Variants in PDE10A observed in about 807,000 individuals in gnomAD.
PDE10A encodes the protein phosphodiesterase 10A.
In PDE10A, 39 loss-of-function variants were observed where a neutral mutation model predicts 97.7. The observed-to-expected ratio is 0.40, with a 90% CI of 0.31 to 0.52. PDE10A has a LOEUF of 0.52. PDE10A is among the 20% of genes least tolerant of loss of function. PDE10A has a pLI of 0.56. For synonymous variants in PDE10A, 371 were observed against 376.8 expected, an observed-to-expected ratio of 0.98 and a Z score of 0.18; for missense variants, 731 against 1,047.8, an observed-to-expected ratio of 0.70 and a Z score of 4.17.
intron 2 of PDE10A, among the ~76,000 whole-genome samples, chr6:165,495,313 C>T (rs1449253866): frequency 6.9e-6 from 1 of 144,508 alleles, no homozygotes; most frequent in South Asian, 2.2e-4. Context: ...AGAGGGGAGA[C>T]AGGAGGGGAA....
intron 13 of PDE10A, chr6:165,409,629 C>A (rs746822594): frequency 8.3e-5 from 13 of 157,436 alleles, no homozygotes; most frequent in Non-Finnish European, 1.4e-4. Context: ...AGGGTCGGGC[C>A]TGGTTAGTAC....
intron 1 of PDE10A, among the ~76,000 whole-genome samples, chr6:165,564,421 T>C (rs946939944): frequency 6.7e-6 from 1 of 149,636 alleles, no homozygotes; most frequent in African/African-American, 2.5e-5. Context: ...AACAACGAAA[T>C]GTTGTTGAAA....
chr6:165,543,464 T>C lies in PDE10A; in HGVS notation c.970A>G (p.Lys324Glu). 1 of 1,613,058 alleles carries C rather than the reference T, an allele frequency of 6.2e-7. No individual in the cohort carries two copies. Among genetic ancestry groups the C allele is most frequent in the Middle Eastern group, 1.7e-4 (1 of 6,060 alleles). ...CCTTCTGATTTGTTGTTCTTCCTCTTCAGCCATTTCTCTACTGTCTCTGCA... is the reference window on the plus strand; with the variant it reads ...CCTTCTGATTTGTTGTTCTTCCTCTCCAGCCATTTCTCTACTGTCTCTGCA... The part of the protein sequence containing the change: ...VSAETVEKWL[K>E]RKNNKSEDES... Residue 324 changes from lysine to glutamate, a missense_variant, in exon 2 of 22, where the codon AAG becomes GAG. By Grantham distance (56) the Lys-to-Glu change is moderately conservative. This residue lies in a region of PDE10A where 181 missense variants were observed against 159.1 expected (regional missense o/e 1.14). Coordinates refer to ENST00000539869, the MANE Select transcript of PDE10A (RefSeq NM_001385079.1).
At chr6:165,644,445 T>G (rs1041339477) in intron 1 of PDE10A, among the ~76,000 whole-genome samples, 1 of 152,150 alleles carries the variant, frequency 6.6e-6, no homozygotes, top group African/African-American at 2.4e-5. Context: ...GGTGTGCCCA[T>G]AGGAAGCAGC....
At chr6:165,343,253 G>T in intron 19 of PDE10A, 138 bp downstream of exon 19, 1 of 660,192 alleles carries the variant, frequency 1.5e-6, no homozygotes. Context: ...CTGCATAAGT[G>T]CTAAATCCTT....
At chr6:165,464,586 A>G (rs1202985684) in intron 3 of PDE10A, among the ~76,000 whole-genome samples, 2 of 152,164 alleles carry the variant, frequency 1.3e-5, no homozygotes, top group Admixed American at 1.3e-4. Flanking sequence ...TAGTGCATAA[A>G]TCCTTGTAAC....
At chr6:165,882,994 G>A (rs1781527568) in intron 1 of PDE10A, among the ~76,000 whole-genome samples, 1 of 152,242 alleles carries the variant, frequency 6.6e-6, no homozygotes, top group Admixed American at 6.5e-5. Context: ...CCAGCACTTT[G>A]GGAGGCGGAG....
chr6:165,799,054 T>C (rs546251825), intron 1 of PDE10A, among the ~76,000 whole-genome samples: 1 of 152,330 alleles, frequency 6.6e-6, no homozygotes, highest in East Asian at 1.9e-4. Flanking sequence ...GATGCGATTA[T>C]TAATGATAAA....
chr6:165,527,194 A>C (rs1205235845), intron 2 of PDE10A, among the ~76,000 whole-genome samples: 1 of 152,188 alleles, frequency 6.6e-6, no homozygotes, highest in African/African-American at 2.4e-5. Context: ...ACCAAGAAGG[A>C]GGCACAATGC....
At chr6:165,617,313 C>T (rs1304521185) in intron 1 of PDE10A, among the ~76,000 whole-genome samples, 1 of 152,102 alleles carries the variant, frequency 6.6e-6, no homozygotes, top group Non-Finnish European at 1.5e-5. Flanking sequence ...TTGCATCTAC[C>T]GAAGTGCCAC....
intron 1 of PDE10A, among the ~76,000 whole-genome samples, chr6:165,742,084 C>T (rs993500446): frequency 6.6e-6 from 1 of 152,160 alleles, no homozygotes; most frequent in Non-Finnish European, 1.5e-5. Context: ...ACTCTATATG[C>T]ATCATCTCAT....
intron 2 of PDE10A, among the ~76,000 whole-genome samples, chr6:165,532,497 G>C (rs1229917602): frequency 6.6e-6 from 1 of 151,982 alleles, no homozygotes; most frequent in Non-Finnish European, 1.5e-5. Context: ...AGTGCATGTA[G>C]TTAGAGTATG....
At chr6:165,717,252 C>A (rs537637447) in intron 1 of PDE10A, among the ~76,000 whole-genome samples, 1 of 152,314 alleles carries the variant, frequency 6.6e-6, no homozygotes, top group African/African-American at 2.4e-5. Flanking sequence ...CTGAGGGACA[C>A]TTGACTTGCT....
At chr6:165,416,366 G>T (rs1788313556) in intron 11 of PDE10A, 85 bp from the exon 12 acceptor site, 2 of 892,608 alleles carry the variant, frequency 2.2e-6, no homozygotes, top group South Asian at 1.4e-5. Context: ...TAATAATATT[G>T]AATTAAAAGC....
Position 165,701,724 on chromosome 6 carries a change from CGT to C in PDE10A, c.-614-158158_-614-158157del, listed in dbSNP as rs1044749641. Among the ~76,000 whole-genome samples the C allele has an allele frequency of 4.7e-5, 7 of 149,050 alleles. No individual in the cohort carries two copies. In the East Asian group the frequency reaches 5.9e-4, roughly 13 times the overall value. ...GCATGTGTGCATGTGTGTGTTTGCG[CGT>C]GTGTGCATGTGTGTGTGCATGTGTG... On this transcript the variant is annotated intron_variant, in intron 1 of 19. Coordinates refer to the PDE10A transcript ENST00000366882.
intron 1 of PDE10A, among the ~76,000 whole-genome samples, chr6:165,862,316 C>T (rs117845850): frequency 0.017 from 2,576 of 152,286 alleles, 51 homozygotes; most frequent in Non-Finnish European, 0.025. Flanking sequence ...GGGAAGGTTT[C>T]ATGTCCAAGC....
At chr6:165,390,864 T>C (rs943266547) in intron 16 of PDE10A, among the ~76,000 whole-genome samples, 2 of 152,202 alleles carry the variant, frequency 1.3e-5, no homozygotes, top group African/African-American at 4.8e-5. Context: ...CCATGAAGTA[T>C]CATGTTAACA....
intron 15 of PDE10A, among the ~76,000 whole-genome samples, 179 bp from the exon 16 acceptor site, chr6:165,392,975 C>G (rs928758685): frequency 3.9e-5 from 6 of 152,240 alleles, no homozygotes; most frequent in Middle Eastern, 3.4e-3. Context: ...TTCCAGTTCT[C>G]TAGCCAAAAA....
At chr6:165,425,930 A>G (rs1189911800) in intron 10 of PDE10A, among the ~76,000 whole-genome samples, 2 of 152,084 alleles carry the variant, frequency 1.3e-5, no homozygotes, top group African/African-American at 4.8e-5. Flanking sequence ...AAAATCAAAA[A>G]ATAAAGAAAA....
Sources: gnomAD v4.1 joint callset for allele counts (sites outside exome capture counted in the v4.1 genomes callset) on GRCh38, gnomAD v4.1.1 for gene constraint, gnomAD v4.1.1 regional missense constraint, MANE v1.5 for transcripts, NCBI Gene and HGNC (gene_info 2026-07-23, HGNC 2026-07-21) for gene names.